TANC2: variants seen among roughly 807,000 people sequenced by gnomAD.
The protein encoded by TANC2 is protein TANC2.
In TANC2, 26 loss-of-function variants were observed where a neutral mutation model predicts 210.5. The observed-to-expected ratio is 0.12, with a 90% CI of 0.09 to 0.17. The LOEUF (loss-of-function observed/expected upper bound fraction) is 0.17. Ranked by LOEUF, TANC2 falls within the 10% of genes least tolerant of loss-of-function variation. The pLI is 1.00. For missense variants in TANC2, 2,129 were observed against 2,608.9 expected (o/e 0.82, Z 4.01); for synonymous variants, 931 against 967.1 (o/e 0.96, Z 0.69).
chr17:63,166,404 G>A (rs1047163264), intron 5 of TANC2, among the ~76,000 whole-genome samples: 1 of 152,132 alleles, frequency 6.6e-6, no homozygotes, highest in Admixed American at 6.6e-5. Context: ...TAAATACTAA[G>A]TAGACAAATT....
At chr17:63,067,242 A>G (rs1051615343) in intron 2 of TANC2, among the ~76,000 whole-genome samples, 6 of 152,196 alleles carry the variant, frequency 3.9e-5, no homozygotes, top group South Asian at 2.1e-4. Context: ...GAAAATAGCA[A>G]TTTGCAAGGG....
At chr17:63,335,224 A>G (rs1460078455) in intron 11 of TANC2, among the ~76,000 whole-genome samples, 1 of 152,196 alleles carries the variant, frequency 6.6e-6, no homozygotes, top group Non-Finnish European at 1.5e-5. Context: ...TTTTTCTGGT[A>G]TTCTTGACAA....
chr17:63,283,818 AC>A (rs1307456455), intron 9 of TANC2, among the ~76,000 whole-genome samples: 2 of 151,978 alleles, frequency 1.3e-5, no homozygotes, highest in Non-Finnish European at 2.9e-5. Context: ...ATTGATTTTT[AC>A]CATGTTGCTC....
Position 63,017,897 on chromosome 17 carries a change from T to C in TANC2, c.67+8271T>C, listed in dbSNP as rs771336667. 2.0e-5 allele frequency among the ~76,000 whole-genome samples: 3 copies of C among 152,052 alleles called. No individual in the cohort carries two copies. In the East Asian group the frequency reaches 5.8e-4, roughly 29 times the overall value. ...TGACTCACTCCTGTAATCCCAGCAC[T>C]TTGGGAGGCCAGGGCAAGAGGATCT... On this transcript the variant is annotated intron_variant, in intron 2 of 27. Transcript: ENST00000689528.
chr17:63,420,305 G>C lies in TANC2; in HGVS notation c.4575G>C (p.Gln1525His). 1 of 1,613,806 alleles carries C rather than the reference G, an allele frequency of 6.2e-7. No homozygotes were observed. ...CCAGCCAGGGGCTCCCGGTCATCCA[G>C]AGCCCACCCTCCTCTCCCCCGCATC... The change falls in exon 28 of 28, where the codon CAG becomes CAC. Residue 1525 changes from glutamine (Q) to histidine (H), a missense_variant. By Grantham distance (24) the Gln-to-His change is conservative (BLOSUM62 0). Coordinates refer to ENST00000689528, the Ensembl canonical transcript of TANC2. The surrounding 1 kb of genome is among the most constrained non-coding windows in gnomAD (Gnocchi z 4.2).
At chr17:63,076,548 C>T (rs573565207) in intron 3 of TANC2, among the ~76,000 whole-genome samples, 1 of 152,252 alleles carries the variant, frequency 6.6e-6, no homozygotes, top group Middle Eastern at 3.4e-3. Context: ...TTTTCAGTCC[C>T]CTGCCCTTAA....
At chr17:63,130,662 CT>C (rs1294848747) in intron 4 of TANC2, among the ~76,000 whole-genome samples, 6 of 152,190 alleles carry the variant, frequency 3.9e-5, no homozygotes, top group Non-Finnish European at 8.8e-5. Flanking sequence ...CTAACCTAAA[CT>C]TTATTATAAT....
exon 28 of TANC2, chr17:63,425,179 G>A (rs1443368865): frequency 6.6e-6 from 1 of 152,086 alleles, no homozygotes; most frequent in Non-Finnish European, 1.5e-5. Flanking sequence ...AACCCTTCTC[G>A]CTCCTCCCCC....
chr17:63,117,650 T>G (rs1169281436), intron 4 of TANC2, among the ~76,000 whole-genome samples: 2 of 152,198 alleles, frequency 1.3e-5, no homozygotes, highest in Non-Finnish European at 2.9e-5. Flanking sequence ...AAAGTGTGGG[T>G]CATTCCTGAT....
intron 1 of TANC2, among the ~76,000 whole-genome samples, chr17:63,008,945 A>C (rs2033745447): frequency 6.6e-6 from 1 of 152,126 alleles, no homozygotes; most frequent in African/African-American, 2.4e-5. Flanking sequence ...ATAGCTACCT[A>C]ATTATGTTTT....
intron 9 of TANC2, among the ~76,000 whole-genome samples, chr17:63,285,407 A>G (rs958715238): frequency 2.0e-5 from 3 of 152,056 alleles, no homozygotes; most frequent in African/African-American, 4.8e-5. Context: ...CATGTATACT[A>G]TGTAGGTTTA....
At chr17:63,069,537 T>C (rs2036321647) in intron 2 of TANC2, among the ~76,000 whole-genome samples, 1 of 152,188 alleles carries the variant, frequency 6.6e-6, no homozygotes, top group Admixed American at 6.5e-5. Context: ...ATGAAAACAC[T>C]GAGACTCAGA....
intron 5 of TANC2, among the ~76,000 whole-genome samples, chr17:63,186,423 G>A (rs892934308): frequency 1.3e-5 from 2 of 149,330 alleles, no homozygotes; most frequent in Non-Finnish European, 3.0e-5. Flanking sequence ...CGCAACCTCG[G>A]CTCACTGCAA....
chr17:63,180,818 G>C (rs931505957), intron 5 of TANC2, among the ~76,000 whole-genome samples: 3 of 152,034 alleles, frequency 2.0e-5, no homozygotes, highest in Non-Finnish European at 4.4e-5. Context: ...GAGGTCAGGA[G>C]TTCGAGACCA....
chr17:63,005,896 TTGTGTGTGTGTGTG>T (rs56763847), intron 1 of TANC2, among the ~76,000 whole-genome samples: 55 of 132,844 alleles, frequency 4.1e-4, no homozygotes, highest in Middle Eastern at 3.9e-3. Context: ...GCTGTATAGT[TTGTGTGTGTGTGTG>T]TGTGTGTGTG....
rs57550590 is a variant in TANC2, at chr17:63,046,325, C to CTTTTTTTT, written c.68-27601_68-27594dup. Among the ~76,000 whole-genome samples the CTTTTTTTT allele has an allele frequency of 1.6e-4, 7 of 44,140 alleles. 2 individuals carry two copies. Among genetic ancestry groups the CTTTTTTTT allele is most frequent in the Admixed American group, 7.8e-4 (2 of 2,578 alleles). 29.0% of individuals were successfully genotyped at this position (44,140 alleles called of 152,430 possible). On this transcript the variant is annotated intron_variant, in intron 2 of 27. Coordinates refer to ENST00000689528, the Ensembl canonical transcript of TANC2. ...CAGGTGCGTGCCACCACACCCAGCT[C>CTTTTTTTT]TTTTTTTTTTTTTTTTTTTTTTTTG...
At chr17:63,402,951 A>G (rs2048387775) in intron 19 of TANC2, among the ~76,000 whole-genome samples, 1 of 152,248 alleles carries the variant, frequency 6.6e-6, no homozygotes, top group Non-Finnish European at 1.5e-5. Context: ...TTCTGAGATG[A>G]AATTGGCCAG....
At chr17:63,087,338 C>G (rs575970700) in intron 3 of TANC2, among the ~76,000 whole-genome samples, 2 of 152,324 alleles carry the variant, frequency 1.3e-5, no homozygotes, top group South Asian at 4.1e-4. Context: ...AAGGAAGCAT[C>G]TAAGTACTTT....
exon 28 of TANC2, chr17:63,423,607 T>C (rs975871251): frequency 1.3e-5 from 2 of 152,252 alleles, no homozygotes; most frequent in African/African-American, 4.8e-5. Context: ...CCCATGTGTC[T>C]GGTAAGTAAG....
Sources: allele counts gnomAD v4.1 joint callset (sites outside exome capture counted in the v4.1 genomes callset), GRCh38; gene constraint gnomAD v4.1.1; non-coding constraint Gnocchi (gnomAD v3.1); transcripts MANE v1.5; gene names NCBI Gene and HGNC (gene_info 2026-07-23, HGNC 2026-07-21).